Variants in C10orf90 observed in about 807,000 individuals in gnomAD.
C10orf90 encodes (E2-independent) E3 ubiquitin-conjugating enzyme FATS.
A neutral mutation model predicts 62.5 loss-of-function variants in C10orf90; 56 were observed. That is an observed-to-expected ratio of 0.90 (90% CI 0.72 to 1.12). The LOEUF is 1.12. C10orf90 is among the 50% of genes most tolerant of loss of function. The pLI is 0.00. For synonymous variants in C10orf90, 386 were observed against 340.4 expected (o/e 1.13, Z -1.47); for missense variants, 970 against 880.4 (o/e 1.10, Z -1.29).
At chr10:126,442,497 A>ATATATATATATATATATG (rs1168803860) in intron 7 of C10orf90, among the ~76,000 whole-genome samples, 1 of 110,454 alleles carries the variant, frequency 9.1e-6, no homozygotes, top group African/African-American at 3.7e-5. Flanking sequence ...ATATATATAT[A>ATATATATATATATATATG]TATATATATA....
At chr10:126,518,246 A>T (rs1425959303) in intron 2 of C10orf90, among the ~76,000 whole-genome samples, 1 of 152,102 alleles carries the variant, frequency 6.6e-6, no homozygotes, top group Non-Finnish European at 1.5e-5. Flanking sequence ...GGAAATTCAC[A>T]TTCTTGTGTC....
At chr10:126,473,413 G>A (rs975447942) in intron 4 of C10orf90, among the ~76,000 whole-genome samples, 8 of 152,168 alleles carry the variant, frequency 5.3e-5, no homozygotes, top group Admixed American at 3.3e-4. Context: ...TTTTGGCATC[G>A]TAGGCCACTG....
intron 2 of C10orf90, among the ~76,000 whole-genome samples, chr10:126,533,403 G>A (rs1026250989): frequency 3.3e-5 from 5 of 152,184 alleles, no homozygotes; most frequent in Admixed American, 6.5e-5. Context: ...GCATTCCTAC[G>A]TTCCTTGAAC....
At chr10:126,455,810 C>T (rs1859523631) in intron 7 of C10orf90, among the ~76,000 whole-genome samples, 1 of 152,180 alleles carries the variant, frequency 6.6e-6, no homozygotes, top group South Asian at 2.1e-4. Context: ...AACACTCACC[C>T]ACATGCAGCA....
At chr10:126,538,155 A>G (rs1281684114) in intron 2 of C10orf90, among the ~76,000 whole-genome samples, 1 of 152,216 alleles carries the variant, frequency 6.6e-6, no homozygotes, top group Non-Finnish European at 1.5e-5. Context: ...GGAGAAAGGC[A>G]CATCCACATG....
chr10:126,530,851 A>C (rs1313956024), intron 2 of C10orf90, among the ~76,000 whole-genome samples: 1 of 152,170 alleles, frequency 6.6e-6, no homozygotes, highest in East Asian at 1.9e-4. Context: ...CAAAAAAAGC[A>C]AAAGAGAGAG....
chr10:126,465,405 CTT>C (rs1332662498), intron 4 of C10orf90, among the ~76,000 whole-genome samples: 4 of 150,990 alleles, frequency 2.6e-5, no homozygotes, highest in South Asian at 2.1e-4. Flanking sequence ...CAAATTATAT[CTT>C]TTATATAATT....
At chr10:126,431,394 A>G (rs1048643063) in intron 7 of C10orf90, among the ~76,000 whole-genome samples, 9 of 152,174 alleles carry the variant, frequency 5.9e-5, no homozygotes, top group Admixed American at 1.3e-4. Flanking sequence ...TGAGAAAACA[A>G]CATCACCATG....
At chr10:126,513,619 T>C (rs1447289044) in intron 3 of C10orf90, among the ~76,000 whole-genome samples, 1 of 152,210 alleles carries the variant, frequency 6.6e-6, no homozygotes, top group African/African-American at 2.4e-5. Context: ...TAAATTTTAG[T>C]TTAAAATTGG....
At chr10:126,523,784 C>T (rs1863850599) in intron 2 of C10orf90, among the ~76,000 whole-genome samples, 1 of 151,396 alleles carries the variant, frequency 6.6e-6, no homozygotes, top group Non-Finnish European at 1.5e-5. Flanking sequence ...TCAGTTCCTA[C>T]AAATTTGCCT....
intron 7 of C10orf90, among the ~76,000 whole-genome samples, chr10:126,446,297 T>C (rs1465711587): frequency 1.3e-5 from 2 of 152,106 alleles, no homozygotes; most frequent in Non-Finnish European, 2.9e-5. Context: ...TTTCTAATCA[T>C]ATTCAACCCA....
intron 2 of C10orf90, among the ~76,000 whole-genome samples, chr10:126,579,938 G>T (rs1354696484): frequency 2.0e-5 from 3 of 152,098 alleles, no homozygotes; most frequent in Non-Finnish European, 4.4e-5. Context: ...TTTATATGAA[G>T]CTGATGGGAC....
chr10:126,604,014 T>C (rs1348856472), intron 2 of C10orf90, among the ~76,000 whole-genome samples: 4 of 152,142 alleles, frequency 2.6e-5, no homozygotes, highest in Non-Finnish European at 5.9e-5. Flanking sequence ...GGAGTTGAAA[T>C]TAGGTGGGAC....
chr10:126,528,908 T>C (rs1223754082), intron 2 of C10orf90, among the ~76,000 whole-genome samples: 1 of 152,160 alleles, frequency 6.6e-6, no homozygotes. Context: ...GAAAGGTAGA[T>C]CTACAAAGGC....
intron 2 of C10orf90, among the ~76,000 whole-genome samples, chr10:126,602,555 C>T (rs1329576923): frequency 1.3e-5 from 2 of 152,150 alleles, no homozygotes; most frequent in East Asian, 1.9e-4. Flanking sequence ...GAGCACACAA[C>T]CCTTTAAAGG....
chr10:126,625,176 G>A (rs569092278), intron 2 of C10orf90, among the ~76,000 whole-genome samples: 10 of 152,212 alleles, frequency 6.6e-5, no homozygotes, highest in East Asian at 3.9e-4. Context: ...CATTTCCCCC[G>A]TCAGCCTCAA....
chr10:126,655,919 G>C (rs970181260), intron 1 of C10orf90, among the ~76,000 whole-genome samples: 2 of 150,898 alleles, frequency 1.3e-5, no homozygotes, highest in South Asian at 2.1e-4. Flanking sequence ...CCCTGGGCCT[G>C]GGGGGGAGAA....
chr10:126,526,881 A>G (rs10751559), intron 2 of C10orf90, among the ~76,000 whole-genome samples: 135,421 of 152,236 alleles, frequency 0.89, 60,450 homozygotes, highest in African/African-American at 0.96. Flanking sequence ...CATCTATGCT[A>G]TAACACGTAT....
At chr10:126,445,074 A>C (rs1335010759) in intron 7 of C10orf90, among the ~76,000 whole-genome samples, 1 of 152,212 alleles carries the variant, frequency 6.6e-6, no homozygotes, top group East Asian at 1.9e-4. Context: ...TCTAGAAGAT[A>C]ACACTGGAAA....
Sources: allele counts gnomAD v4.1 joint callset (sites outside exome capture counted in the v4.1 genomes callset), GRCh38; gene constraint gnomAD v4.1.1; transcripts MANE v1.5; gene names NCBI Gene and HGNC (gene_info 2026-07-23, HGNC 2026-07-21).